The following TASP1 variants were observed in gnomAD, a reference collection of about 807,000 sequenced individuals.
The protein encoded by TASP1 is taspase 1, also known as threonine aspartase 1.
TASP1 carries 16 observed loss-of-function variants against 56.6 expected under a neutral mutation model. The observed-to-expected ratio is 0.28, with a 90% CI of 0.19 to 0.43. The LOEUF (loss-of-function observed/expected upper bound fraction) is 0.43. Among genes scored for constraint, TASP1 ranks in the 20% least tolerant of loss-of-function variants. TASP1 has a pLI of 1.00. For synonymous variants in TASP1, 179 were observed against 184.2 expected, an observed-to-expected ratio of 0.97 and a Z score of 0.23; for missense variants, 393 against 511.6, an observed-to-expected ratio of 0.77 and a Z score of 2.24.
the TASP1 span, among the ~76,000 whole-genome samples, chr20:13,203,144 T>C: frequency 6.6e-6 from 1 of 152,040 alleles, no homozygotes; most frequent in Non-Finnish European, 1.5e-5. Flanking sequence ...AAAAGCTGAG[T>C]GCTAGGGGTT....
chr20:13,528,581 T>C (rs2045084708), intron 9 of TASP1, 70 bp from the exon 10 acceptor site: 1 of 1,330,664 alleles, frequency 7.5e-7, no homozygotes, highest in Non-Finnish European at 1.0e-6. Context: ...TCAACAGAAA[T>C]CATACCCTCT....
At chr20:13,177,338 C>T in the TASP1 span, among the ~76,000 whole-genome samples, 2 of 152,056 alleles carry the variant, frequency 1.3e-5, no homozygotes, top group Non-Finnish European at 2.9e-5. Context: ...GAACATACTA[C>T]TCAAAGGAAT....
At chr20:13,456,590 T>C (rs555333372) in intron 11 of TASP1, among the ~76,000 whole-genome samples, 1 of 152,282 alleles carries the variant, frequency 6.6e-6, no homozygotes, top group South Asian at 2.1e-4. Context: ...GTATCACTGC[T>C]TGCAAAAGTG....
At chr20:13,449,882 G>A (rs562284701) in intron 11 of TASP1, among the ~76,000 whole-genome samples, 4 of 152,132 alleles carry the variant, frequency 2.6e-5, no homozygotes, top group African/African-American at 9.6e-5. Context: ...CTTTTACATA[G>A]AAAGCTATAA....
chr20:13,185,365 A>G, the TASP1 span, among the ~76,000 whole-genome samples: 1 of 151,980 alleles, frequency 6.6e-6, no homozygotes, highest in South Asian at 2.1e-4. Flanking sequence ...ATCTTTCTGA[A>G]ATGTTCTTAG....
In TASP1 at chr20:13,623,458, C is replaced by T. The variant is rs1413077235; in HGVS notation, c.270G>A (p.Leu90=). 1.2e-6 allele frequency: 2 copies of T among 1,605,062 alleles called. No homozygotes were observed. Among genetic ancestry groups the T allele is most frequent in the East Asian group, 2.2e-5 (1 of 44,734 alleles). The change falls in exon 4 of 14, where the codon CTG becomes CTA. Residue 90 remains leucine, a synonymous_variant. Coordinates refer to ENST00000337743, the MANE Select transcript of TASP1 (RefSeq NM_017714.3). The part of the protein sequence containing the change: ...ALATDAVTAA[L]VELEDSPFTN... ...AGAAAAGAAATACCTCAAGTTCCAC[C>T]AGTGCTGCAGTGACTGCGTCAGTTG...
In TASP1 at chr20:13,452,428, A is replaced by AAAAC. The variant is rs139997009; in HGVS notation, c.986-17275_986-17274insGTTT. Among the ~76,000 whole-genome samples the AAAAC allele has an allele frequency of 3.2e-3, 481 of 151,018 alleles. 1 individual carries two copies. Among genetic ancestry groups the AAAAC allele is most frequent in the East Asian group, 0.011 (56 of 5,168 alleles). On this transcript the variant is annotated intron_variant, in intron 11 of 13. Coordinates refer to ENST00000337743, the MANE Select transcript of TASP1 (RefSeq NM_017714.3). ...ACACATACATTAAAAAAAAAAAAAA[A>AAAAC]TTCCTGAAAAACCTACAACTCTGTT...
chr20:13,272,951 A>G, the TASP1 span, among the ~76,000 whole-genome samples: 2 of 152,228 alleles, frequency 1.3e-5, no homozygotes, highest in African/African-American at 4.8e-5. Context: ...CAGAGGTGGG[A>G]ATGTCACTTG....
the TASP1 span, among the ~76,000 whole-genome samples, chr20:13,257,022 A>T: frequency 6.6e-6 from 1 of 152,216 alleles, no homozygotes; most frequent in Non-Finnish European, 1.5e-5. Context: ...GAAAAGTCTA[A>T]TGAGAGAAGA....
At chr20:13,426,617 A>C (rs2042626563) in intron 12 of TASP1, among the ~76,000 whole-genome samples, 1 of 152,202 alleles carries the variant, frequency 6.6e-6, no homozygotes, top group African/African-American at 2.4e-5. Flanking sequence ...AGATACTTGC[A>C]ATCAATATCT....
the TASP1 span, chr20:13,239,480 G>C: frequency 6.6e-6 from 1 of 152,376 alleles, no homozygotes; most frequent in East Asian, 1.9e-4. Context: ...GAATGCTAGT[G>C]GGGGAATTAT....
At chr20:13,327,277 G>T in the TASP1 span, among the ~76,000 whole-genome samples, 4 of 152,066 alleles carry the variant, frequency 2.6e-5, no homozygotes, top group African/African-American at 9.7e-5. Context: ...CCTCTTCAAG[G>T]AGAACTACAA....
chr20:13,370,167 T>A, the TASP1 span, among the ~76,000 whole-genome samples: 2 of 152,162 alleles, frequency 1.3e-5, no homozygotes, highest in Non-Finnish European at 2.9e-5. Flanking sequence ...TAAAAATTCT[T>A]CAACAAGCAA....
At chr20:13,213,773 G>T in the TASP1 span, among the ~76,000 whole-genome samples, 1 of 152,086 alleles carries the variant, frequency 6.6e-6, no homozygotes, top group African/African-American at 2.4e-5. Context: ...TCTCATCAGG[G>T]ACTCCCTGAT....
At chr20:13,422,667 T>G (rs1040423195) in intron 12 of TASP1, among the ~76,000 whole-genome samples, 7 of 152,214 alleles carry the variant, frequency 4.6e-5, no homozygotes, top group African/African-American at 1.7e-4. Context: ...TTCAGTACTA[T>G]GCTTGGCGCA....
At chr20:13,566,691 C>A (rs574096491) in intron 7 of TASP1, among the ~76,000 whole-genome samples, 3 of 152,222 alleles carry the variant, frequency 2.0e-5, no homozygotes, top group Admixed American at 2.0e-4. Flanking sequence ...AAGATAACAT[C>A]ACTGATTATT....
the TASP1 span, among the ~76,000 whole-genome samples, chr20:13,122,232 C>A: frequency 1.3e-5 from 2 of 152,216 alleles, no homozygotes; most frequent in African/African-American, 2.4e-5. Context: ...TCCCTGCTCT[C>A]AAGGAAGTTT....
At chr20:13,409,755 C>T (rs761526581) in intron 13 of TASP1, among the ~76,000 whole-genome samples, 1 of 152,012 alleles carries the variant, frequency 6.6e-6, no homozygotes, top group Non-Finnish European at 1.5e-5. Flanking sequence ...GTTTCATGCA[C>T]AGAATGTGTT....
rs61343988 is a variant in TASP1 at position 13,581,298 on chromosome 20, A to G, written c.404-317T>C. 1.8e-3 allele frequency among the ~76,000 whole-genome samples: 273 copies of G among 152,332 alleles called. 1 individual carries two copies. Among genetic ancestry groups the G allele is most frequent in the African/African-American group, 6.2e-3 (257 of 41,560 alleles). ...TCCTTTTTAATAGATTTCAGAATAG[A>G]GTTTTTAAAATGAACTGAAAATATG... On this transcript the variant is annotated intron_variant, in intron 5 of 13. Transcript: ENST00000337743.
Sources: allele counts gnomAD v4.1 joint callset (sites outside exome capture counted in the v4.1 genomes callset), GRCh38; gene constraint gnomAD v4.1.1; transcripts MANE v1.5; gene names NCBI Gene and HGNC (gene_info 2026-07-23, HGNC 2026-07-21).